Variants in PLA2G4E observed in about 807,000 individuals in gnomAD.
PLA2G4E encodes the protein phospholipase A2 group IVE.
A neutral mutation model predicts 109.1 loss-of-function variants in PLA2G4E; 84 were observed. The observed-to-expected ratio is 0.77, with a 90% CI of 0.65 to 0.92. The LOEUF (loss-of-function observed/expected upper bound fraction) is 0.92, where lower values mean the gene tolerates loss of function less well. Ranked by LOEUF, PLA2G4E falls within the 40% of genes least tolerant of loss-of-function variation. The probability of loss-of-function intolerance (pLI) is 0.00; values close to 1 mark genes in which losing one functional copy is unlikely to be tolerated. For synonymous variants in PLA2G4E, 469 were observed against 436.1 expected (o/e 1.08, Z -0.94); for missense variants, 1,057 against 1,076.6 (o/e 0.98, Z 0.25).
chr15:42,017,262 G>C (rs1183490377), intron 1 of PLA2G4E, among the ~76,000 whole-genome samples: 1 of 152,194 alleles, frequency 6.6e-6, no homozygotes, highest in Non-Finnish European at 1.5e-5. Context: ...TACTCTGGCA[G>C]GGAAGGCGCA....
At chr15:42,046,745 T>C (rs928495192) in intron 1 of PLA2G4E, among the ~76,000 whole-genome samples, 2 of 152,226 alleles carry the variant, frequency 1.3e-5, no homozygotes, top group African/African-American at 4.8e-5. Context: ...TAAATATTTG[T>C]TCAATGAATG....
At chr15:41,983,047 G>T (rs1431897311) in exon 20 of PLA2G4E, 1 of 152,302 alleles carries the variant, frequency 6.6e-6, no homozygotes, top group African/African-American at 2.4e-5. Context: ...AGCACTTTGG[G>T]AGGCCGAGGC....
rs748612246 is a variant in PLA2G4E at position 42,010,133 on chromosome 15, C to CA, written c.257-2269_257-2268insT. 2.2e-4 allele frequency: 97 copies of CA among 435,292 alleles called. 1 individual carries two copies. The highest frequency in any genetic ancestry group is 1.8e-3 in the Admixed American group (81 of 45,168). 27.0% of individuals were successfully genotyped at this position (435,292 alleles called of 1,614,324 possible). Reference sequence around the variant, plus strand: ...TCCCTTGGCTTTTCCAGAACACTGGCCCCCCCACCCCGGGCCTGGACCACA... The same window carrying CA: ...TCCCTTGGCTTTTCCAGAACACTGGCACCCCCCACCCCGGGCCTGGACCACA... On this transcript the variant is annotated intron_variant, in intron 2 of 19. Transcript: ENST00000399518.
chr15:42,008,009 G>T, intron 2 of PLA2G4E, 144 bp from the exon 3 acceptor site: 1 of 949,400 alleles, frequency 1.1e-6, no homozygotes, highest in Non-Finnish European at 1.5e-6. Context: ...ACTTTCCAGA[G>T]ACTCAGATCC....
Position 42,004,912 on chromosome 15 carries a change from G to T in PLA2G4E, c.566+26C>A. On this transcript the variant is annotated intron_variant, in intron 5 of 19. Transcript: ENST00000399518. ...GCTACTTGATGGCCAGGACCTTGGT[G>T]GGCCCCGGGGCCTGGGCCTACTCAC... 4 of 1,598,630 alleles carry T rather than the reference G, an allele frequency of 2.5e-6. No individual in the cohort carries two copies. In the South Asian group the frequency reaches 4.5e-5, roughly 18 times the overall value.
chr15:42,013,874 C>A, intron 1 of PLA2G4E, 117 bp from the exon 2 acceptor site: 1 of 508,090 alleles, frequency 2.0e-6, no homozygotes, highest in Non-Finnish European at 3.3e-6. Flanking sequence ...ACAACAACCC[C>A]TAGGCTGGTT....
chr15:41,997,028 T>C, intron 11 of PLA2G4E, 96 bp downstream of exon 11: 5 of 1,397,302 alleles, frequency 3.6e-6, no homozygotes, highest in South Asian at 1.6e-5. Flanking sequence ...TCCATGGAGG[T>C]GGCGCCTGGG....
Position 42,045,595 on chromosome 15 carries a change from C to A in PLA2G4E, c.183+4926G>T, listed in dbSNP as rs573713246. 4.6e-5 allele frequency among the ~76,000 whole-genome samples: 7 copies of A among 152,306 alleles called. No individual in the cohort carries two copies. The East Asian group carries it at 1.3e-3, about 29-fold the overall frequency. On this transcript the variant is annotated intron_variant, in intron 1 of 19. Transcript: ENST00000399518. ...ATAACGGGATGTTTATGGAAAAAGT[C>A]TCTTGGCTCCCAGGACACCACTTTC...
chr15:42,002,939 T>C (rs889915662), intron 5 of PLA2G4E, among the ~76,000 whole-genome samples: 2 of 152,184 alleles, frequency 1.3e-5, no homozygotes, highest in African/African-American at 4.8e-5. Flanking sequence ...AGAGTTCTAT[T>C]TTTTTGAAAG....
At chr15:42,024,926 C>A (rs532820805) in intron 1 of PLA2G4E, among the ~76,000 whole-genome samples, 1 of 152,044 alleles carries the variant, frequency 6.6e-6, no homozygotes, top group East Asian at 1.9e-4. Context: ...AGGAGCCAGG[C>A]GCGGTGGCTC....
At chr15:41,986,080 G>A (rs753137153) in intron 17 of PLA2G4E, 75 bp from the exon 18 acceptor site, 37 of 1,469,104 alleles carry the variant, frequency 2.5e-5, no homozygotes, top group Middle Eastern at 1.8e-4. Context: ...TTGGGGGGAC[G>A]GAGCGCCCTG....
chr15:42,010,141 C>CCT, intron 2 of PLA2G4E: 1 of 486,056 alleles, frequency 2.1e-6, no homozygotes, highest in South Asian at 1.8e-5. Context: ...GGCCCCCCCA[C>CCT]CCCGGGCCTG....
chr15:41,984,424 G>A lies in PLA2G4E; in HGVS notation c.2386+12C>T. ...CAGCAGGTGCTGGGAACTGAGCACA[G>A]AGGCAGCTCACCTGGTGCCTTGTAT... On this transcript the variant is annotated intron_variant, in intron 19 of 19. Coordinates refer to ENST00000399518, the Ensembl canonical transcript of PLA2G4E. 6.2e-7 allele frequency: 1 copy of A among 1,606,222 alleles called. No homozygotes were observed. Among genetic ancestry groups the A allele is most frequent in the Non-Finnish European group, 8.5e-7 (1 of 1,174,934 alleles).
intron 11 of PLA2G4E, among the ~76,000 whole-genome samples, chr15:41,996,320 C>T (rs183772460): frequency 6.8e-5 from 9 of 133,250 alleles, no homozygotes; most frequent in Non-Finnish European, 1.1e-4. Context: ...TGCACTCCAG[C>T]CTGGGTGACA....
At chr15:41,988,719 G>A (rs937283768) in intron 15 of PLA2G4E, among the ~76,000 whole-genome samples, 1 of 152,182 alleles carries the variant, frequency 6.6e-6, no homozygotes, top group Non-Finnish European at 1.5e-5. Flanking sequence ...AAGCCCACGT[G>A]TTTTGCCCAC....
intron 1 of PLA2G4E, among the ~76,000 whole-genome samples, chr15:42,041,227 G>A (rs72727705): frequency 0.096 from 14,617 of 152,110 alleles, 769 homozygotes; most frequent in African/African-American, 0.15. Context: ...ATTTGATTTG[G>A]TATTATTCCC....
intron 1 of PLA2G4E, among the ~76,000 whole-genome samples, chr15:42,044,374 G>C (rs917559266): frequency 6.6e-6 from 1 of 152,088 alleles, no homozygotes; most frequent in Non-Finnish European, 1.5e-5. Flanking sequence ...AGTGCAAGGC[G>C]TTGAGGAGTG....
exon 13 of PLA2G4E, chr15:41,992,820 G>C: frequency 6.2e-7 from 1 of 1,613,948 alleles, no homozygotes; most frequent in South Asian, 1.1e-5. Flanking sequence ...CGCTGCCGGA[G>C]CTCCTCCTGG....
chr15:41,990,056 T>A (rs936156525), intron 14 of PLA2G4E, 65 bp downstream of exon 14: 3 of 1,265,476 alleles, frequency 2.4e-6, no homozygotes, highest in Non-Finnish European at 3.4e-6. Flanking sequence ...AGGTGCTGGG[T>A]GCTTTTGCCC....
Sources: allele counts gnomAD v4.1 joint callset (sites outside exome capture counted in the v4.1 genomes callset), GRCh38; gene constraint gnomAD v4.1.1; transcripts MANE v1.5; gene names NCBI Gene and HGNC (gene_info 2026-07-23, HGNC 2026-07-21).